The following PAPPA2 variants were observed in gnomAD, a reference collection of about 807,000 sequenced individuals.
The protein encoded by PAPPA2 is pappalysin 2.
A neutral mutation model predicts 176.4 loss-of-function variants in PAPPA2; 86 were observed. The ratio of observed to expected loss-of-function variants is 0.49; its 90% CI spans 0.41 to 0.58. The LOEUF is 0.58. Among genes scored for constraint, PAPPA2 ranks in the 20% least tolerant of loss-of-function variants. The pLI, the probability that PAPPA2 is intolerant of heterozygous loss-of-function variation, is 0.00. For missense variants in PAPPA2, 2,073 were observed against 2,256.9 expected, an observed-to-expected ratio of 0.92 and a Z score of 1.65; for synonymous variants, 809 against 852.2, an observed-to-expected ratio of 0.95 and a Z score of 0.88.
At chr1:176,834,870 T>C (rs1188297340) in intron 21 of PAPPA2, among the ~76,000 whole-genome samples, 1 of 152,006 alleles carries the variant, frequency 6.6e-6, no homozygotes, top group Non-Finnish European at 1.5e-5. Flanking sequence ...GCTCGGGAGG[T>C]TGAAGCAGGA....
Position 176,604,198 on chromosome 1 carries a change from G to A in PAPPA2, c.1991+8603G>A, listed in dbSNP as rs1395087391. ...GTGAGGCCTTCCCTGGAGACCTCAC[G>A]TAAAATTGTACACATTGTCTTGGCT... On this transcript the variant is annotated intron_variant, in intron 3 of 22. Transcript: ENST00000367662. Among the ~76,000 whole-genome samples the A allele has an allele frequency of 3.3e-5, 5 of 152,100 alleles. No homozygotes were observed. The East Asian group carries it at 5.8e-4, about 18-fold the overall frequency.
intron 21 of PAPPA2, among the ~76,000 whole-genome samples, chr1:176,827,346 G>A (rs982116486): frequency 6.6e-5 from 10 of 152,158 alleles, no homozygotes. Context: ...TGGAGATTTT[G>A]AGTTAGTTCC....
At position 176,556,286 on chromosome 1, in the gene PAPPA2, G is replaced by A; in HGVS notation, c.-37G>A. ...CATCACTCTGGTGTGGTACCCAGAA[G>A]TTGACTTCTGGTTCTGTAGAAAGAG... On this transcript the variant is annotated 5_prime_UTR_variant, in exon 2 of 23. Transcript: ENST00000367662. The A allele has an allele frequency of 6.3e-7, 1 of 1,589,506 alleles. No homozygotes were observed. The highest frequency in any genetic ancestry group is 8.6e-7 in the Non-Finnish European group (1 of 1,167,516).
At chr1:176,592,786 A>G (rs1653742350) in intron 2 of PAPPA2, among the ~76,000 whole-genome samples, 1 of 152,208 alleles carries the variant, frequency 6.6e-6, no homozygotes. Flanking sequence ...CGGTCCTGAT[A>G]TTCAATATTG....
chr1:176,758,539 G>T (rs549959556), intron 14 of PAPPA2, among the ~76,000 whole-genome samples: 10 of 152,156 alleles, frequency 6.6e-5, no homozygotes, highest in Non-Finnish European at 1.0e-4. Flanking sequence ...TTCAGAGCAT[G>T]CATTCCTTCT....
intron 3 of PAPPA2, among the ~76,000 whole-genome samples, chr1:176,610,642 T>C (rs1247217826): frequency 1.3e-5 from 2 of 152,190 alleles, no homozygotes; most frequent in Non-Finnish European, 2.9e-5. Flanking sequence ...GCAGGTTTTA[T>C]GAGGAACATC....
chr1:176,758,493 T>C (rs1663544779), intron 14 of PAPPA2, among the ~76,000 whole-genome samples: 1 of 152,252 alleles, frequency 6.6e-6, no homozygotes, highest in African/African-American at 2.4e-5. Context: ...CAGTCCACTC[T>C]ACATTCTGTA....
chr1:176,676,489 G>T (rs1659306305), intron 4 of PAPPA2, among the ~76,000 whole-genome samples: 1 of 151,914 alleles, frequency 6.6e-6, no homozygotes, highest in Non-Finnish European at 1.5e-5. Context: ...AACTTACATG[G>T]TGTAACATTT....
intron 20 of PAPPA2, among the ~76,000 whole-genome samples, chr1:176,795,097 G>A (rs1306857969): frequency 6.6e-6 from 1 of 152,230 alleles, no homozygotes; most frequent in Non-Finnish European, 1.5e-5. Context: ...CAGCAGCACA[G>A]ACACTCCTGT....
intron 10 of PAPPA2, 134 bp from the exon 11 acceptor site, chr1:176,709,849 G>A (rs983698863): frequency 1.6e-5 from 11 of 689,510 alleles, no homozygotes; most frequent in African/African-American, 1.4e-4. Flanking sequence ...TTTGAGGTAG[G>A]CATTAGACTG....
Position 176,800,139 on chromosome 1 carries a change from T to C in PAPPA2, c.5202+7T>C, listed in dbSNP as rs1320429523. 1.2e-6 allele frequency: 2 copies of C among 1,613,742 alleles called. No homozygotes were observed. The highest frequency in any genetic ancestry group is 1.7e-6 in the Non-Finnish European group (2 of 1,179,810). On this transcript the variant is annotated splice_region_variant and intron_variant, in intron 21 of 22. Coordinates refer to ENST00000367662, the MANE Select transcript of PAPPA2 (RefSeq NM_020318.3). ...CTGCATCCAGTCATGTGAGGTAAGATAGCCTCCCCTTCCCCAACTCAGACT... is the reference window on the plus strand; with the variant it reads ...CTGCATCCAGTCATGTGAGGTAAGACAGCCTCCCCTTCCCCAACTCAGACT...
chr1:176,699,646 A>G, intron 8 of PAPPA2, 57 bp downstream of exon 8: 2 of 1,525,502 alleles, frequency 1.3e-6, no homozygotes, highest in Non-Finnish European at 1.8e-6. Context: ...GGGTTTTGTT[A>G]CTTTTCCCCC....
At chr1:176,621,461 T>C (rs78244399) in intron 3 of PAPPA2, among the ~76,000 whole-genome samples, 2,027 of 152,234 alleles carry the variant, frequency 0.013, 20 homozygotes, top group Middle Eastern at 0.034. Flanking sequence ...CCTAACCCAG[T>C]TGGAATGACT....
intron 1 of PAPPA2, among the ~76,000 whole-genome samples, chr1:176,480,305 A>G (rs1652332442): frequency 6.6e-6 from 1 of 152,186 alleles, no homozygotes; most frequent in South Asian, 2.1e-4. Flanking sequence ...GATAAGTCTC[A>G]GTAACACAGA....
In PAPPA2 at chr1:176,695,871, T is replaced by C. The variant is rs2102813817; in HGVS notation, c.2746+12T>C. 3.7e-6 allele frequency: 6 copies of C among 1,613,230 alleles called. No homozygotes were observed. Among genetic ancestry groups the C allele is most frequent in the South Asian group, 1.1e-5 (1 of 91,028 alleles). On this transcript the variant is annotated intron_variant, in intron 7 of 22. Transcript: ENST00000367662. ...AGAGGAGGCTGTGGGTAAAGTACCATGACATTTTTTCTTTATACCCTGGTG... is the reference window on the plus strand; with the variant it reads ...AGAGGAGGCTGTGGGTAAAGTACCACGACATTTTTTCTTTATACCCTGGTG...
chr1:176,688,975 A>G (rs1471810339), intron 4 of PAPPA2, among the ~76,000 whole-genome samples: 1 of 152,164 alleles, frequency 6.6e-6, no homozygotes, highest in Non-Finnish European at 1.5e-5. Flanking sequence ...TCAGAAGACT[A>G]TTGATATAGG....
chr1:176,557,866 AC>A (rs1202455134), intron 2 of PAPPA2, among the ~76,000 whole-genome samples: 3 of 152,206 alleles, frequency 2.0e-5, no homozygotes, highest in Non-Finnish European at 4.4e-5. Context: ...GTGAGCACTT[AC>A]AAGCCAAGAT....
chr1:176,679,389 C>G (rs529393879), intron 4 of PAPPA2, among the ~76,000 whole-genome samples: 3 of 152,042 alleles, frequency 2.0e-5, no homozygotes, highest in South Asian at 2.1e-4. Flanking sequence ...TCAAATACCC[C>G]CAAATACCCC....
chr1:176,706,268 A>G (rs891902516), intron 9 of PAPPA2, 91 bp from the exon 10 acceptor site: 9 of 1,155,726 alleles, frequency 7.8e-6, no homozygotes, highest in African/African-American at 4.6e-5. Flanking sequence ...TTTAATATAT[A>G]CTGAGAAATT....
Sources: allele counts gnomAD v4.1 joint callset (sites outside exome capture counted in the v4.1 genomes callset), GRCh38; gene constraint gnomAD v4.1.1; transcripts MANE v1.5; gene names NCBI Gene and HGNC (gene_info 2026-07-23, HGNC 2026-07-21).